Variants in CAPN5 observed in about 807,000 individuals in gnomAD.
CAPN5 encodes calpain 5, also known as calpain-5.
CAPN5 carries 54 observed loss-of-function variants against 73.0 expected under a neutral mutation model. That is an observed-to-expected ratio of 0.74 (90% confidence interval 0.59 to 0.93). The LOEUF (loss-of-function observed/expected upper bound fraction) is 0.93, where lower values mean the gene tolerates loss of function less well. CAPN5 is among the 40% of genes least tolerant of loss of function. The pLI, the probability that CAPN5 is intolerant of heterozygous loss-of-function variation, is 0.00. For missense variants in CAPN5, 785 were observed against 882.9 expected (o/e 0.89, Z 1.41); for synonymous variants, 335 against 356.9 (o/e 0.94, Z 0.69).
At chr11:77,100,234 G>A (rs1299213333) in intron 3 of CAPN5, among the ~76,000 whole-genome samples, 2 of 152,144 alleles carry the variant, frequency 1.3e-5, no homozygotes, top group East Asian at 3.9e-4. Context: ...CCTTGGGTGG[G>A]TCCTCCCAAG....
At chr11:77,079,783 T>TTGTGTGTG (rs147108363) in intron 1 of CAPN5, among the ~76,000 whole-genome samples, 1,810 of 148,218 alleles carry the variant, frequency 0.012, 41 homozygotes, top group East Asian at 0.089. Context: ...CTACTTGAGA[T>TTGTGTGTG]TGTGTGTGTG....
intron 3 of CAPN5, among the ~76,000 whole-genome samples, chr11:77,104,076 T>C (rs782329754): frequency 6.6e-5 from 10 of 152,244 alleles, no homozygotes; most frequent in Non-Finnish European, 1.3e-4. Context: ...GGTCTATTCC[T>C]ACCCTAGGAA....
intron 1 of CAPN5, among the ~76,000 whole-genome samples, chr11:77,070,773 G>C (rs1401107644): frequency 6.6e-6 from 1 of 152,200 alleles, no homozygotes. Context: ...GGCTTCTTCT[G>C]TGGGATCTAG....
Position 77,120,783 on chromosome 11 carries a change from C to T in CAPN5, c.1361C>T (p.Ser454Leu). 6.2e-7 allele frequency: 1 copy of T among 1,614,134 alleles called. No individual in the cohort carries two copies. The highest frequency in any genetic ancestry group is 8.5e-7 in the Non-Finnish European group (1 of 1,180,012). Residue 454 changes from serine to leucine, a missense_variant, in exon 10 of 13, where the codon TCA becomes TTA. Coordinates refer to ENST00000648180, the MANE Select transcript of CAPN5 (RefSeq NM_004055.5). ...HKAASSIYIN[S>L]RSVFLRTDQP... The stretch of plus-strand genomic sequence containing the variant: ...GCCGCCAGCTCCATCTACATCAACT[C>T]ACGCAGCGTCTTCCTGCGCACCGAC...
intron 6 of CAPN5, 149 bp downstream of exon 6, chr11:77,115,737 A>G (rs1034787536): frequency 3.7e-5 from 25 of 671,216 alleles, no homozygotes; most frequent in African/African-American, 5.4e-5. Context: ...ATTACTTTGC[A>G]GTGGTTGTAT....
rs185994099 is a variant in CAPN5 at position 77,088,837 on chromosome 11, G to A, written c.165+3786G>A. Among the ~76,000 whole-genome samples, 633 of 152,298 alleles carry A rather than the reference G, an allele frequency of 4.2e-3. 15 individuals are homozygous for A. The highest frequency in any genetic ancestry group is 1.0e-3 in the Non-Finnish European group (70 of 68,016). The stretch of plus-strand genomic sequence containing the variant: ...GTTGTGCCACGAAGGGAGAAGGGAG[G>A]TGGGCTGGGCTGTGGCCTGTCAGGT... On this transcript the variant is annotated intron_variant, in intron 2 of 12. Coordinates refer to ENST00000648180, the MANE Select transcript of CAPN5 (RefSeq NM_004055.5).
At chr11:77,079,783 TTGTGTGTGTG>T (rs147108363) in intron 1 of CAPN5, among the ~76,000 whole-genome samples, 33 of 148,246 alleles carry the variant, frequency 2.2e-4, no homozygotes, top group African/African-American at 7.7e-4. Flanking sequence ...CTACTTGAGA[TTGTGTGTGTG>T]TGTGTGTGTG....
At chr11:77,118,545 A>G (rs782422612) in intron 8 of CAPN5, among the ~76,000 whole-genome samples, 193 bp downstream of exon 8, 1 of 152,178 alleles carries the variant, frequency 6.6e-6, no homozygotes, top group African/African-American at 2.4e-5. Context: ...CAGCCTCACA[A>G]TCTAACCTGC....
At position 77,112,610 on chromosome 11, in the gene CAPN5, C is replaced by A; in HGVS notation, c.319C>A (p.Gln107Lys). The A allele has an allele frequency of 6.2e-7, 1 of 1,613,998 alleles. No individual in the cohort carries two copies. Among genetic ancestry groups the A allele is most frequent in the Non-Finnish European group, 8.5e-7 (1 of 1,179,988 alleles). The change falls in exon 4 of 13, where the codon CAG becomes AAG. Residue 107 changes from glutamine (Q) to lysine (K), a missense_variant. Coordinates refer to ENST00000648180, the MANE Select transcript of CAPN5 (RefSeq NM_004055.5). The part of the protein sequence containing the change: ...WQKVIPDWKE[Q>K]EWDPEKPNAY... The stretch of plus-strand genomic sequence containing the variant: ...CCAGGTCATCCCAGACTGGAAGGAG[C>A]AGGAATGGGACCCCGAAAAGCCCAA...
At chr11:77,111,200 C>T (rs1482751649) in intron 3 of CAPN5, among the ~76,000 whole-genome samples, 1 of 152,148 alleles carries the variant, frequency 6.6e-6, no homozygotes, top group Non-Finnish European at 1.5e-5. Flanking sequence ...GGTGCCTCCT[C>T]CTCTCCCCAG....
At chr11:77,094,551 G>T (rs1283471270) in intron 3 of CAPN5, among the ~76,000 whole-genome samples, 1 of 152,222 alleles carries the variant, frequency 6.6e-6, no homozygotes, top group African/African-American at 2.4e-5. Flanking sequence ...AGAATTATTG[G>T]CAGGGACTGC....
At chr11:77,118,923 G>A in intron 8 of CAPN5, 107 bp from the exon 9 acceptor site, 2 of 1,246,608 alleles carry the variant, frequency 1.6e-6, no homozygotes, top group Non-Finnish European at 1.1e-6. Context: ...GCAGAGAGGT[G>A]CTGTGACTGG....
intron 2 of CAPN5, chr11:77,087,795 G>A (rs965171859): frequency 6.6e-6 from 7 of 1,053,924 alleles, no homozygotes; most frequent in Non-Finnish European, 9.4e-6. Flanking sequence ...TTTTGTTGGG[G>A]ACCTAGAGCC....
intron 2 of CAPN5, 83 bp from the exon 3 acceptor site, chr11:77,093,585 TCTGTGTCTGTCACG>T: frequency 6.6e-6 from 6 of 914,696 alleles, no homozygotes; most frequent in Non-Finnish European, 8.9e-6. Context: ...ACACAGCAAG[TCTGTGTCTGTCACG>T]TCTGTGTCTG....
chr11:77,087,895 G>A (rs1555035795), intron 2 of CAPN5: 4 of 1,535,688 alleles, frequency 2.6e-6, no homozygotes, highest in Admixed American at 3.9e-5. Context: ...CCTGCCTTCA[G>A]CCCACACCCT....
intron 1 of CAPN5, among the ~76,000 whole-genome samples, chr11:77,074,309 C>T (rs1555033608): frequency 6.6e-6 from 1 of 152,090 alleles, no homozygotes; most frequent in Non-Finnish European, 1.5e-5. Context: ...AATGCTGATG[C>T]CCCTCTGCCT....
In CAPN5 at chr11:77,118,265, T is replaced by C. The variant is rs536151747; in HGVS notation, c.1080T>C (p.His360=). The C allele has an allele frequency of 8.1e-6, 13 of 1,614,064 alleles. No homozygotes were observed. In the Admixed American group the frequency reaches 2.0e-4, roughly 25 times the overall value. Residue 360 remains histidine, a synonymous_variant, in exon 8 of 13, where the codon CAT becomes CAC. Coordinates refer to ENST00000648180, the MANE Select transcript of CAPN5 (RefSeq NM_004055.5). ...AGACGTGGGAGGAGGCCCGGCTGCATGGCGCCTGGACGCTGCATGAGGACC... is the reference window on the plus strand; with the variant it reads ...AGACGTGGGAGGAGGCCCGGCTGCACGGCGCCTGGACGCTGCATGAGGACC... ...IHKTWEEARL[H]GAWTLHEDPR...
At position 77,093,551 on chromosome 11, in the gene CAPN5, A is replaced by C; in HGVS notation, c.166-131A>C. On this transcript the variant is annotated intron_variant, in intron 2 of 12. Coordinates refer to ENST00000648180, the MANE Select transcript of CAPN5 (RefSeq NM_004055.5). ...GGGCCCCAAGTCTGTGGTGGGAGGC[A>C]GGTGAATCACCATGCTGATGATCAC... 3 of 1,370,430 alleles carry C rather than the reference A, an allele frequency of 2.2e-6. 1 individual carries two copies. The allele number at this position is 1,370,430 out of a possible 1,614,324, so 84.9% of individuals were successfully genotyped here.
chr11:77,076,988 G>A (rs1418653449), intron 1 of CAPN5, among the ~76,000 whole-genome samples: 4 of 152,186 alleles, frequency 2.6e-5, no homozygotes, highest in Non-Finnish European at 2.9e-5. Context: ...CACCAACAGC[G>A]TACAAGGGTT....
Sources: gnomAD v4.1 joint callset for allele counts (sites outside exome capture counted in the v4.1 genomes callset) on GRCh38, gnomAD v4.1.1 for gene constraint, MANE v1.5 for transcripts, NCBI Gene and HGNC (gene_info 2026-07-23, HGNC 2026-07-21) for gene names.